SLC6A17: variants seen among roughly 807,000 people sequenced by gnomAD.
SLC6A17 encodes sodium-dependent neutral amino acid transporter SLC6A17.
A neutral mutation model predicts 64.5 loss-of-function variants in SLC6A17; 21 were observed. The ratio of observed to expected loss-of-function variants is 0.33; its 90% CI spans 0.23 to 0.47. The LOEUF (loss-of-function observed/expected upper bound fraction) is 0.47, where lower values mean the gene tolerates loss of function less well. Ranked by LOEUF, SLC6A17 falls within the 20% of genes least tolerant of loss-of-function variation. SLC6A17 has a pLI of 1.00. For missense variants in SLC6A17, 682 were observed against 963.2 expected (o/e 0.71, Z 3.86); for synonymous variants, 372 against 399.5 (o/e 0.93, Z 0.82).
Position 110,176,716 on chromosome 1 carries a change from A to G in SLC6A17, c.841A>G (p.Ile281Val). The G allele has an allele frequency of 6.2e-7, 1 of 1,613,914 alleles. No homozygotes were observed. The highest frequency in any genetic ancestry group is 8.5e-7 in the Non-Finnish European group (1 of 1,179,868). The stretch of plus-strand genomic sequence containing the variant: ...GTTGCTGCGAGGGGCAGTTGATGGC[A>G]TCCTACACATGTTCACTCCCAAGGT... Reference protein sequence around the residue: ...GLLLRGAVDGILHMFTPKLDK... With the variant: ...GLLLRGAVDGVLHMFTPKLDK... The change falls in exon 6 of 12, where the codon ATC (isoleucine) becomes GTC (valine). Residue 281 changes from isoleucine to valine, a missense_variant. By Grantham distance (29) the Ile-to-Val change is conservative. Transcript: ENST00000331565.
intron 6 of SLC6A17, chr1:110,178,186 T>A (rs1171773689): frequency 6.6e-6 from 1 of 152,212 alleles, no homozygotes; most frequent in Admixed American, 6.5e-5. Flanking sequence ...TCACTTCAGT[T>A]TTCCAATTCT....
At chr1:110,185,105 T>C (rs918229979) in intron 6 of SLC6A17, among the ~76,000 whole-genome samples, 1 of 152,210 alleles carries the variant, frequency 6.6e-6, no homozygotes, top group Non-Finnish European at 1.5e-5. Context: ...GCGTGGGCTC[T>C]GGAGCCAGAC....
In SLC6A17 at chr1:110,200,254, A is replaced by G; in HGVS notation, c.*1810A>G. On this transcript the variant is annotated 3_prime_UTR_variant, in exon 12 of 12. Transcript: ENST00000331565. ...TCTCCCTTACTCATCCCTCTTCCAC[A>G]GCTTCCCCTTTCTAGCCCCCTCTGC... is the stretch of plus-strand genomic sequence containing the variant. The G allele has an allele frequency of 2.5e-6, 1 of 395,288 alleles. No homozygotes were observed. The highest frequency in any genetic ancestry group is 4.4e-6 in the Non-Finnish European group (1 of 225,088). 24.5% of individuals were successfully genotyped at this position (395,288 alleles called of 1,614,324 possible).
chr1:110,200,742 G>A lies in SLC6A17; in HGVS notation c.*2298G>A, dbSNP rs115867167. ...CGTTGTAGCCTTTTGCTGTGTCTTC[G>A]CTGTGTGTTAGACGTAGGGCCTAGA... On this transcript the variant is annotated 3_prime_UTR_variant, in exon 12 of 12. Coordinates refer to ENST00000331565, the MANE Select transcript of SLC6A17 (RefSeq NM_001010898.4). 433 of 152,600 alleles carry A rather than the reference G, an allele frequency of 2.8e-3. 2 individuals carry two copies. Among genetic ancestry groups the A allele is most frequent in the South Asian group, 0.012 (58 of 4,824 alleles). 9.5% of individuals were successfully genotyped at this position (152,600 alleles called of 1,614,324 possible).
chr1:110,161,218 C>T (rs1399483325), intron 1 of SLC6A17, among the ~76,000 whole-genome samples: 1 of 152,170 alleles, frequency 6.6e-6, no homozygotes, highest in Non-Finnish European at 1.5e-5. Context: ...CTGTTTTGGG[C>T]TCAGTAAAAG....
intron 3 of SLC6A17, among the ~76,000 whole-genome samples, chr1:110,172,980 G>C (rs867011956): frequency 8.5e-5 from 13 of 152,348 alleles, no homozygotes; most frequent in Middle Eastern, 3.4e-3. Context: ...TGGCAGTAGG[G>C]CCAGCCCAAA....
chr1:110,188,841 C>T (rs1305465171), intron 6 of SLC6A17, among the ~76,000 whole-genome samples: 1 of 152,180 alleles, frequency 6.6e-6, no homozygotes, highest in Non-Finnish European at 1.5e-5. Context: ...CATTTCCTCC[C>T]CTCTGCCTCT....
At chr1:110,191,927 C>T (rs2100947520) in intron 6 of SLC6A17, 45 bp from the exon 7 acceptor site, 2 of 1,593,750 alleles carry the variant, frequency 1.3e-6, no homozygotes, top group African/African-American at 1.3e-5. Flanking sequence ...AAAACCATCC[C>T]CTCTGTGTCT....
At chr1:110,182,842 G>A (rs114906653) in intron 6 of SLC6A17, among the ~76,000 whole-genome samples, 1,557 of 152,172 alleles carry the variant, frequency 0.01, 15 homozygotes, top group Middle Eastern at 0.051. Context: ...AATAATAATG[G>A]GTTGAAGGGA....
In SLC6A17 at chr1:110,197,477, T is replaced by C. The variant is rs746120778; in HGVS notation, c.1693T>C (p.Tyr565His). ...ELTEMLGFRP[Y>H]RFYFYMWKFV... ...GACGGAGATGCTGGGCTTCCGCCCC[T>C]ACCGCTTCTATTTCTACATGTGGAA... The change falls in exon 11 of 12, where the codon TAC becomes CAC. Residue 565 changes from tyrosine to histidine, a missense_variant. Tyr to His is a moderately conservative substitution (Grantham distance 83). Transcript: ENST00000331565. The C allele has an allele frequency of 1.2e-6, 2 of 1,613,612 alleles. No homozygotes were observed. Among genetic ancestry groups the C allele is most frequent in the South Asian group, 2.2e-5 (2 of 91,058 alleles).
At chr1:110,169,986 A>G (rs1656175229) in intron 2 of SLC6A17, among the ~76,000 whole-genome samples, 1 of 152,232 alleles carries the variant, frequency 6.6e-6, no homozygotes, top group South Asian at 2.1e-4. Context: ...TGAGGTGGAC[A>G]GAGCCTGGAT....
In SLC6A17 at chr1:110,174,953, C is replaced by T. The variant is rs764608426; in HGVS notation, c.746C>T (p.Ser249Leu). 70 of 1,613,284 alleles carry T rather than the reference C, an allele frequency of 4.3e-5. No individual in the cohort carries two copies. In the South Asian group the frequency reaches 5.3e-4, roughly 12 times the overall value. The change falls in exon 5 of 12, where the codon TCG becomes TTG. Residue 249 changes from serine to leucine, a missense_variant. Transcript: ENST00000331565. ...GMAVVKGIQSSGKVMYFSSLF... is the reference protein window; with the variant it reads ...GMAVVKGIQSLGKVMYFSSLF... ...GCTGTCGTTAAGGGCATCCAGTCCT[C>T]GGGGAAGGTGAGTGCTGAGGGGGGC...
intron 1 of SLC6A17, among the ~76,000 whole-genome samples, chr1:110,151,934 G>A (rs763964962): frequency 3.3e-5 from 5 of 152,136 alleles, no homozygotes; most frequent in Non-Finnish European, 5.9e-5. Flanking sequence ...TGAGGAGGAA[G>A]ATTCTTTTCC....
chr1:110,167,285 A>G, intron 2 of SLC6A17, 70 bp downstream of exon 2: 1 of 1,528,072 alleles, frequency 6.5e-7, no homozygotes, highest in South Asian at 1.3e-5. Flanking sequence ...AAAAAAGAAC[A>G]CCCCTTTGCT....
intron 1 of SLC6A17, among the ~76,000 whole-genome samples, chr1:110,159,914 T>C (rs192213967): frequency 8.5e-5 from 13 of 152,360 alleles, no homozygotes; most frequent in African/African-American, 1.4e-4. Flanking sequence ...TCATATCATA[T>C]TTATCATGCT....
chr1:110,170,863 G>A (rs1457726153), intron 2 of SLC6A17, among the ~76,000 whole-genome samples: 1 of 152,064 alleles, frequency 6.6e-6, no homozygotes, highest in Non-Finnish European at 1.5e-5. Flanking sequence ...GTGTGTGTGT[G>A]TGTGTATACA....
At chr1:110,174,713 T>G (rs550381501) in intron 4 of SLC6A17, 66 bp from the exon 5 acceptor site, 1 of 1,564,454 alleles carries the variant, frequency 6.4e-7, no homozygotes, top group East Asian at 2.3e-5. Context: ...TGAGTGGTGG[T>G]CCAGCAGAGG....
intron 6 of SLC6A17, among the ~76,000 whole-genome samples, chr1:110,182,298 A>G (rs190452061): frequency 2.0e-5 from 3 of 152,296 alleles, no homozygotes; most frequent in Admixed American, 2.0e-4. Context: ...ATTCATGGAG[A>G]TGGGGAAGAC....
intron 1 of SLC6A17, among the ~76,000 whole-genome samples, chr1:110,162,747 ATTTC>A (rs1655949129): frequency 6.6e-6 from 1 of 152,066 alleles, no homozygotes; most frequent in South Asian, 2.1e-4. Context: ...CCAAGTCACT[ATTTC>A]CACTGGGGTA....
Sources: gnomAD v4.1 joint callset for allele counts (sites outside exome capture counted in the v4.1 genomes callset) on GRCh38, gnomAD v4.1.1 for gene constraint, MANE v1.5 for transcripts, NCBI Gene and HGNC (gene_info 2026-07-23, HGNC 2026-07-21) for gene names.